The following GPM6A variants were observed in gnomAD, a reference collection of about 807,000 sequenced individuals.
GPM6A encodes glycoprotein M6A, also known as neuronal membrane glycoprotein M6-a.
GPM6A carries 7 observed loss-of-function variants against 32.1 expected under a neutral mutation model. That is an observed-to-expected ratio of 0.22 (90% CI 0.12 to 0.41). The LOEUF (loss-of-function observed/expected upper bound fraction) is 0.41, where lower values mean the gene tolerates loss of function less well. GPM6A is among the 10% of genes least tolerant of loss of function. The pLI, the probability that GPM6A is intolerant of heterozygous loss-of-function variation, is 1.00. For missense variants in GPM6A, 235 were observed against 347.2 expected, an observed-to-expected ratio of 0.68 and a Z score of 2.57; for synonymous variants, 130 against 123.4, an observed-to-expected ratio of 1.05 and a Z score of -0.35.
chr4:175,655,003 A>G (rs1035820372), intron 3 of GPM6A, among the ~76,000 whole-genome samples: 2 of 152,098 alleles, frequency 1.3e-5, no homozygotes, highest in Non-Finnish European at 2.9e-5. Flanking sequence ...TTATAATTCA[A>G]TAGGTTTAGA....
chr4:175,876,771 C>G (rs1737096743), intron 1 of GPM6A, among the ~76,000 whole-genome samples: 1 of 152,144 alleles, frequency 6.6e-6, no homozygotes, highest in Admixed American at 6.6e-5. Flanking sequence ...CTCCGAACAA[C>G]CCGAGTCTTT....
intron 1 of GPM6A, among the ~76,000 whole-genome samples, chr4:175,953,040 A>G (rs1236432620): frequency 1.3e-5 from 2 of 151,840 alleles, no homozygotes; most frequent in Non-Finnish European, 2.9e-5. Flanking sequence ...TAAAAAAAAA[A>G]AAAAAAGGAG....
intron 1 of GPM6A, among the ~76,000 whole-genome samples, chr4:175,944,808 A>G (rs907605902): frequency 6.6e-6 from 1 of 152,166 alleles, no homozygotes; most frequent in African/African-American, 2.4e-5. Flanking sequence ...ACATGAATAC[A>G]AAGGAAACCA....
chr4:175,714,692 C>T (rs1579417873), intron 1 of GPM6A, among the ~76,000 whole-genome samples: 2 of 152,128 alleles, frequency 1.3e-5, no homozygotes, highest in African/African-American at 4.8e-5. Flanking sequence ...ATGAATTTTT[C>T]AGAAGAATGG....
intron 1 of GPM6A, among the ~76,000 whole-genome samples, chr4:175,730,472 T>C (rs1003291297): frequency 1.4e-5 from 1 of 73,742 alleles, no homozygotes; most frequent in African/African-American, 4.9e-5. Flanking sequence ...CGATCTCTTC[T>C]TTTTTTTTTT....
At chr4:175,932,644 T>G (rs945642249) in intron 1 of GPM6A, among the ~76,000 whole-genome samples, 4 of 152,134 alleles carry the variant, frequency 2.6e-5, no homozygotes, top group African/African-American at 9.7e-5. Flanking sequence ...TATTTTGGAT[T>G]TATAACATGT....
At chr4:175,662,417 T>G (rs1742479100) in intron 3 of GPM6A, among the ~76,000 whole-genome samples, 1 of 152,058 alleles carries the variant, frequency 6.6e-6, no homozygotes, top group Non-Finnish European at 1.5e-5. Context: ...CTGGCCAACA[T>G]GGTGAAACCC....
intron 1 of GPM6A, among the ~76,000 whole-genome samples, chr4:175,834,242 T>A (rs897733154): frequency 2.6e-5 from 4 of 152,190 alleles, no homozygotes; most frequent in Admixed American, 2.6e-4. Flanking sequence ...ACGCCTCAAT[T>A]CTGGCTTCGA....
chr4:175,983,253 T>C (rs1249958986), intron 1 of GPM6A, among the ~76,000 whole-genome samples: 2 of 152,196 alleles, frequency 1.3e-5, no homozygotes, highest in East Asian at 1.9e-4. Flanking sequence ...GACAGATACA[T>C]AGAATGGAAA....
intron 1 of GPM6A, chr4:175,811,941 T>A (rs993692248): frequency 2.7e-6 from 1 of 364,880 alleles, no homozygotes; most frequent in African/African-American, 2.1e-5. Context: ...AATAGTTCAC[T>A]ACAATACCGC....
intron 1 of GPM6A, among the ~76,000 whole-genome samples, chr4:175,794,970 C>T (rs760965133): frequency 3.3e-5 from 5 of 151,978 alleles, no homozygotes; most frequent in Admixed American, 1.3e-4. Context: ...CTAATTAAAG[C>T]GAATAGAAAT....
At chr4:175,901,545 C>T (rs549524970) in intron 1 of GPM6A, among the ~76,000 whole-genome samples, 1 of 150,728 alleles carries the variant, frequency 6.6e-6, no homozygotes, top group African/African-American at 2.4e-5. Flanking sequence ...ACAGAATTAT[C>T]AGAACTCTCA....
intron 4 of GPM6A, 96 bp downstream of exon 4, chr4:175,651,738 T>A (rs1482654014): frequency 2.2e-6 from 2 of 898,584 alleles, no homozygotes; most frequent in East Asian, 4.9e-5. Context: ...AAGGTACTGA[T>A]AATTCCAAAG....
At chr4:176,002,012 G>T (rs1356850356) in intron 1 of GPM6A, among the ~76,000 whole-genome samples, 3 of 152,110 alleles carry the variant, frequency 2.0e-5, no homozygotes, top group Admixed American at 2.0e-4. Flanking sequence ...CCCCAGGCTT[G>T]GGTCCTGGGG....
intron 1 of GPM6A, among the ~76,000 whole-genome samples, chr4:175,937,572 A>G (rs1462604706): frequency 6.6e-6 from 1 of 152,184 alleles, no homozygotes; most frequent in African/African-American, 2.4e-5. Context: ...TAATGAATGA[A>G]CAAGTCAATG....
intron 1 of GPM6A, among the ~76,000 whole-genome samples, chr4:175,783,888 A>C (rs1185857681): frequency 6.6e-6 from 1 of 152,050 alleles, no homozygotes; most frequent in Non-Finnish European, 1.5e-5. Context: ...AATATCTACC[A>C]ATTACAATGG....
intron 1 of GPM6A, among the ~76,000 whole-genome samples, chr4:175,729,681 C>T (rs561102002): frequency 1.7e-4 from 26 of 150,304 alleles, no homozygotes; most frequent in African/African-American, 5.4e-4. Context: ...CATTGCATGC[C>T]TGCATCAAAA....
intron 1 of GPM6A, among the ~76,000 whole-genome samples, chr4:175,946,011 T>C (rs73871300): frequency 0.02 from 2,989 of 152,180 alleles, 109 homozygotes; most frequent in African/African-American, 0.068. Flanking sequence ...CACTGGAGAC[T>C]TAGAAGACTA....
intron 1 of GPM6A, among the ~76,000 whole-genome samples, chr4:175,992,876 A>G (rs1741193680): frequency 6.6e-6 from 1 of 152,200 alleles, no homozygotes; most frequent in Non-Finnish European, 1.5e-5. Flanking sequence ...CTTATCATTT[A>G]AAAAACTCAA....
Sources: allele counts gnomAD v4.1 joint callset (sites outside exome capture counted in the v4.1 genomes callset), GRCh38; gene constraint gnomAD v4.1.1; transcripts MANE v1.5; gene names NCBI Gene and HGNC (gene_info 2026-07-23, HGNC 2026-07-21).